Variants in SLC39A9 observed in about 807,000 individuals in gnomAD.
The protein encoded by SLC39A9 is solute carrier family 39 member 9, also known as zinc transporter ZIP9.
SLC39A9 carries 14 observed loss-of-function variants against 28.4 expected under a neutral mutation model. The ratio of observed to expected loss-of-function variants is 0.49; its 90% CI spans 0.33 to 0.77. The LOEUF (loss-of-function observed/expected upper bound fraction) is 0.77, where lower values mean the gene tolerates loss of function less well. SLC39A9 is among the 30% of genes least tolerant of loss of function. The pLI, the probability that SLC39A9 is intolerant of heterozygous loss-of-function variation, is 0.02. For synonymous variants in SLC39A9, 119 were observed against 149.6 expected (o/e 0.80, Z 1.49); for missense variants, 283 against 381.1 (o/e 0.74, Z 2.14).
At chr14:69,455,455 T>C (rs772201508) in intron 5 of SLC39A9, among the ~76,000 whole-genome samples, 6 of 152,088 alleles carry the variant, frequency 3.9e-5, no homozygotes, top group Non-Finnish European at 8.8e-5. Flanking sequence ...GCCTCCCAAG[T>C]AGCTGGGATT....
intron 2 of SLC39A9, among the ~76,000 whole-genome samples, chr14:69,431,405 CTT>C (rs1021422568): frequency 2.0e-4 from 28 of 140,420 alleles, no homozygotes; most frequent in Admixed American, 2.1e-4. Context: ...TCCTATCTGC[CTT>C]TTTTTTTTTT....
intron 1 of SLC39A9, among the ~76,000 whole-genome samples, chr14:69,420,891 G>A (rs1027453339): frequency 1.1e-4 from 17 of 152,180 alleles, no homozygotes; most frequent in East Asian, 3.9e-4. Context: ...TTAGCCATGC[G>A]TCTAATCTTT....
At chr14:69,435,464 A>T (rs539371448) in intron 2 of SLC39A9, among the ~76,000 whole-genome samples, 6 of 152,276 alleles carry the variant, frequency 3.9e-5, no homozygotes, top group African/African-American at 1.4e-4. Flanking sequence ...TACAGATGGC[A>T]TATAGTTGTA....
At position 69,399,392 on chromosome 14, in the gene SLC39A9, G is replaced by A; in HGVS notation, c.23G>A (p.Ser8Asn). MDDFISISLLSLAMLVGC... is the reference protein window; with the variant it reads MDDFISINLLSLAMLVGC... ...AGAATGGATGATTTCATCTCCATTAGCCTGCTGTCTCTGGCTATGTTGGTG... is the reference window on the plus strand; with the variant it reads ...AGAATGGATGATTTCATCTCCATTAACCTGCTGTCTCTGGCTATGTTGGTG... The change falls in exon 1 of 7, where the codon AGC becomes AAC. Residue 8 changes from serine to asparagine, a missense_variant. Physicochemically the swap from Ser to Asn is conservative, Grantham distance 46. Transcript: ENST00000336643. 1 of 1,614,128 alleles carries A rather than the reference G, an allele frequency of 6.2e-7. No individual in the cohort carries two copies. The highest frequency in any genetic ancestry group is 1.6e-4 in the Middle Eastern group (1 of 6,062).
Position 69,454,800 on chromosome 14 carries a change from T to C in SLC39A9, c.473-12T>C. On this transcript the variant is annotated splice_polypyrimidine_tract_variant and intron_variant, in intron 4 of 6. Transcript: ENST00000336643. Reference sequence around the variant, plus strand: ...TTTATAGTATTTTATGTTTCCTTGTTTCCAAATATAGCTGATGGTGTTGCT... The same window carrying C: ...TTTATAGTATTTTATGTTTCCTTGTCTCCAAATATAGCTGATGGTGTTGCT... The C allele has an allele frequency of 2.5e-6, 4 of 1,611,082 alleles. No individual in the cohort carries two copies. Among genetic ancestry groups the C allele is most frequent in the Non-Finnish European group, 3.4e-6 (4 of 1,177,304 alleles).
intron 2 of SLC39A9, among the ~76,000 whole-genome samples, chr14:69,440,898 C>T (rs1327300364): frequency 2.0e-5 from 3 of 152,204 alleles, no homozygotes; most frequent in African/African-American, 2.4e-5. Context: ...CTCCTGGCCT[C>T]GTGATCTGCC....
At position 69,459,190 on chromosome 14, in the gene SLC39A9, A is replaced by G; in HGVS notation, c.*597A>G. ...AAAGCTCTCTTTATACTCAAAAGAG[A>G]TATCCATTGAAAAGGGATGTCTAGA... On this transcript the variant is annotated 3_prime_UTR_variant, in exon 7 of 7. Transcript: ENST00000336643. 2 of 985,598 alleles carry G rather than the reference A, an allele frequency of 2.0e-6. No individual in the cohort carries two copies. Among genetic ancestry groups the G allele is most frequent in the Non-Finnish European group, 2.4e-6 (2 of 830,008 alleles). 61.1% of individuals were successfully genotyped at this position (985,598 alleles called of 1,614,324 possible). A position where few individuals can be genotyped will look rare whatever the true frequency, so the allele number is the denominator to read the frequency against.
intron 1 of SLC39A9, among the ~76,000 whole-genome samples, chr14:69,401,538 C>T (rs904388473): frequency 2.0e-5 from 3 of 152,084 alleles, no homozygotes; most frequent in African/African-American, 7.2e-5. Flanking sequence ...CTATAAAATG[C>T]CTTTAACTTT....
chr14:69,418,212 A>G (rs1883680675), intron 1 of SLC39A9, among the ~76,000 whole-genome samples: 1 of 152,064 alleles, frequency 6.6e-6, no homozygotes, highest in Admixed American at 6.6e-5. Flanking sequence ...TTCTGCATCT[A>G]TTGAGATAAT....
chr14:69,406,529 A>G (rs1168481223), intron 1 of SLC39A9, among the ~76,000 whole-genome samples: 2 of 152,050 alleles, frequency 1.3e-5, no homozygotes, highest in African/African-American at 4.8e-5. Context: ...CTCAGTATGG[A>G]ATTCCACACT....
At chr14:69,437,158 C>T (rs575477105) in intron 2 of SLC39A9, among the ~76,000 whole-genome samples, 10 of 152,192 alleles carry the variant, frequency 6.6e-5, no homozygotes, top group South Asian at 2.1e-4. Flanking sequence ...TGAGCCACCG[C>T]GCCCGGCCTG....
Position 69,460,752 on chromosome 14 carries a change from T to C in SLC39A9, c.*2159T>C. The stretch of plus-strand genomic sequence containing the variant: ...ATTTGCCTTCCCCTCTGGACCTCAC[T>C]ATTAACAAGCAAACCTTTCAGGGCC... On this transcript the variant is annotated 3_prime_UTR_variant, in exon 7 of 7. Coordinates refer to ENST00000336643, the MANE Select transcript of SLC39A9 (RefSeq NM_018375.5). 3 of 985,494 alleles carry C rather than the reference T, an allele frequency of 3.0e-6. No homozygotes were observed. Among genetic ancestry groups the C allele is most frequent in the Non-Finnish European group, 3.6e-6 (3 of 829,960 alleles). 61.0% of individuals were successfully genotyped at this position (985,494 alleles called of 1,614,324 possible).
chr14:69,461,709 G>A lies in SLC39A9; in HGVS notation c.*3116G>A, dbSNP rs1414278486. On this transcript the variant is annotated 3_prime_UTR_variant, in exon 7 of 7. Transcript: ENST00000336643. ...TCTCTTTTTCAAGGATTAGAACTAA[G>A]AGGACACACCAGCATCGGAGTGTAT... The A allele has an allele frequency of 6.5e-7, 1 of 1,535,870 alleles. No homozygotes were observed. Among genetic ancestry groups the A allele is most frequent in the Admixed American group, 2.0e-5 (1 of 50,974 alleles).
At chr14:69,416,477 G>T (rs1443844597) in intron 1 of SLC39A9, among the ~76,000 whole-genome samples, 2 of 152,186 alleles carry the variant, frequency 1.3e-5, no homozygotes, top group South Asian at 4.1e-4. Flanking sequence ...AAGACTTTGG[G>T]TATATACCCA....
chr14:69,455,848 A>G lies in SLC39A9; in HGVS notation c.675A>G (p.Thr225=), dbSNP rs1257910648. The change falls in exon 6 of 7, where the codon ACA becomes ACG. Residue 225 remains threonine (T), a synonymous_variant. Transcript: ENST00000336643. ...ALAAPVMSMV[T]YLGLSKSSKE... ...CAGCACCAGTTATGTCCATGGTGAC[A>G]TACTTAGGACTGAGTAAGGTAAGCT... 5.0e-6 allele frequency: 8 copies of G among 1,614,084 alleles called. No individual in the cohort carries two copies. In the African/African-American group the frequency reaches 1.1e-4, roughly 22 times the overall value.
chr14:69,461,769 A>G lies in SLC39A9; in HGVS notation c.*3176A>G. ...GAAACACATGGTAGCTAGGGACTGA[A>G]CACAGGAACCGTATGACAGCAGCAC... On this transcript the variant is annotated 3_prime_UTR_variant, in exon 7 of 7. Coordinates refer to ENST00000336643, the MANE Select transcript of SLC39A9 (RefSeq NM_018375.5). The G allele has an allele frequency of 1.3e-6, 2 of 1,532,456 alleles. No homozygotes were observed. Among genetic ancestry groups the G allele is most frequent in the Non-Finnish European group, 8.7e-7 (1 of 1,144,466 alleles). 94.9% of individuals were successfully genotyped at this position (1,532,456 alleles called of 1,614,324 possible).
At chr14:69,430,555 G>A (rs867683992) in intron 2 of SLC39A9, among the ~76,000 whole-genome samples, 15 of 151,362 alleles carry the variant, frequency 9.9e-5, no homozygotes, top group African/African-American at 1.9e-4. Flanking sequence ...CCAGCACTAC[G>A]TTGTCTTGAT....
intron 1 of SLC39A9, among the ~76,000 whole-genome samples, chr14:69,412,571 G>A (rs1046275815): frequency 3.9e-5 from 6 of 152,258 alleles, no homozygotes; most frequent in Admixed American, 3.3e-4. Context: ...CGCTACATTT[G>A]TGTAATTGTT....
intron 1 of SLC39A9, among the ~76,000 whole-genome samples, chr14:69,406,848 GTTTTTTTTT>G (rs398025544): frequency 3.1e-5 from 3 of 95,892 alleles, no homozygotes; most frequent in African/African-American, 4.2e-5. Flanking sequence ...GAAATTCTTT[GTTTTTTTTT>G]TTTTTTTTTT....
Sources: allele counts gnomAD v4.1 joint callset (sites outside exome capture counted in the v4.1 genomes callset), GRCh38; gene constraint gnomAD v4.1.1; transcripts MANE v1.5; gene names NCBI Gene and HGNC (gene_info 2026-07-23, HGNC 2026-07-21).